AFDN: variants seen among roughly 807,000 people sequenced by gnomAD.
AFDN encodes afadin, adherens junction formation factor, also known as afadin.
Under a neutral mutation model 216.6 loss-of-function variants are expected in AFDN, and 68 were observed. The observed-to-expected ratio is 0.31, with a 90% CI of 0.26 to 0.38. The LOEUF is 0.38. Ranked by LOEUF, AFDN falls within the 10% of genes least tolerant of loss-of-function variation. The pLI is 1.00. For missense variants in AFDN, 2,136 were observed against 2,342.0 expected, an observed-to-expected ratio of 0.91 and a Z score of 1.82; for synonymous variants, 868 against 853.7, an observed-to-expected ratio of 1.02 and a Z score of -0.29.
intron 23 of AFDN, among the ~76,000 whole-genome samples, chr6:167,928,016 C>G (rs1437829528): frequency 6.6e-6 from 1 of 152,236 alleles, no homozygotes; most frequent in Admixed American, 6.5e-5. Context: ...AAATGCTCTT[C>G]TTACCTGGGG....
chr6:167,870,168 T>G (rs1296133430), intron 2 of AFDN, among the ~76,000 whole-genome samples: 1 of 152,244 alleles, frequency 6.6e-6, no homozygotes, highest in African/African-American at 2.4e-5. Flanking sequence ...GAATTGCCTC[T>G]GTTCAGTGTC....
At chr6:167,862,679 T>C (rs1783729975) in intron 1 of AFDN, among the ~76,000 whole-genome samples, 1 of 152,198 alleles carries the variant, frequency 6.6e-6, no homozygotes, top group East Asian at 1.9e-4. Flanking sequence ...CCGGCAGTTA[T>C]AAAGGTTTTA....
At chr6:167,875,619 G>A (rs766944001) in intron 5 of AFDN, 124 bp downstream of exon 5, 3 of 990,020 alleles carry the variant, frequency 3.0e-6, no homozygotes, top group Non-Finnish European at 4.5e-6. Context: ...TAACAAATGT[G>A]TACCATATAC....
At chr6:167,964,529 G>C (rs1797338790) in intron 31 of AFDN, 4 of 1,065,652 alleles carry the variant, frequency 3.8e-6, no homozygotes, top group Non-Finnish European at 1.1e-6. Context: ...ATGAAAAATT[G>C]GGCTCAGGGC....
intron 32 of AFDN, chr6:167,968,906 C>G: frequency 1.9e-6 from 1 of 533,992 alleles, no homozygotes; most frequent in Non-Finnish European, 3.4e-6. Flanking sequence ...CATTTTAGCA[C>G]CTTTTGAGAG....
intron 33 of AFDN, among the ~76,000 whole-genome samples, 172 bp downstream of exon 33, chr6:167,969,370 A>G (rs1386545357): frequency 6.6e-6 from 1 of 152,120 alleles, no homozygotes; most frequent in Non-Finnish European, 1.5e-5. Context: ...TGGAATTTGA[A>G]CTCACCAGAA....
At chr6:167,949,985 G>A (rs1562732803) in intron 29 of AFDN, among the ~76,000 whole-genome samples, 1 of 152,188 alleles carries the variant, frequency 6.6e-6, no homozygotes, top group Non-Finnish European at 1.5e-5. Flanking sequence ...CCAGTGCAAA[G>A]TCTTAAGGGA....
rs1797514508 is a variant in AFDN at position 167,966,007 on chromosome 6, A to C, written c.5219A>C (p.Tyr1740Ser). ...CTGTTCACTGCCAAGTTTGTTGCATACAATGAGGAGGAGGAGGAGGAGGAC... is the reference window on the plus strand; with the variant it reads ...CTGTTCACTGCCAAGTTTGTTGCATCCAATGAGGAGGAGGAGGAGGAGGAC... ...DSLFTAKFVA[Y>S]NEEEEEEDCS... Residue 1740 changes from tyrosine (Y) to serine (S), a missense_variant, in exon 32 of 34, where the codon TAC becomes TCC. Tyr to Ser is a moderately radical substitution (Grantham distance 144). Around this residue, in one of 8 missense-constraint regions of AFDN, gnomAD observed 981 missense variants for 966.0 expected, o/e 1.02. Transcript: ENST00000683244. 5.8e-6 allele frequency: 9 copies of C among 1,550,114 alleles called. No individual in the cohort carries two copies. The South Asian group carries it at 9.5e-5, about 16-fold the overall frequency.
rs909803376 is a variant in AFDN, at chr6:167,915,558, A to G, written c.2565+125A>G. On this transcript the variant is annotated intron_variant, in intron 19 of 33. Transcript: ENST00000683244. The stretch of plus-strand genomic sequence containing the variant: ...TCTTTTTGGGGTTTTTCGTATGTAC[A>G]AATAATGAAGTAGTGCTATGTGAGT... The G allele has an allele frequency of 1.9e-5, 22 of 1,152,042 alleles. No individual in the cohort carries two copies. In the South Asian group the frequency reaches 3.6e-4, roughly 19 times the overall value. The allele number at this position is 1,152,042 out of a possible 1,614,324, so 71.4% of individuals were successfully genotyped here.
At chr6:167,954,452 C>T in intron 30 of AFDN, 1 of 1,593,696 alleles carries the variant, frequency 6.3e-7, no homozygotes, top group Non-Finnish European at 8.5e-7. Context: ...TCTCTGTTAC[C>T]TGCAGCAGAC....
chr6:167,856,417 A>G (rs564183512), intron 1 of AFDN, among the ~76,000 whole-genome samples: 120 of 152,178 alleles, frequency 7.9e-4, no homozygotes, highest in Non-Finnish European at 1.4e-3. Flanking sequence ...GGGAACTACT[A>G]TACACATTAT....
chr6:167,939,878 AG>A (rs1235420366), intron 23 of AFDN, among the ~76,000 whole-genome samples: 1 of 152,228 alleles, frequency 6.6e-6, no homozygotes, highest in Non-Finnish European at 1.5e-5. Context: ...TGAGGCAAAA[AG>A]CATATGTATT....
chr6:167,846,465 C>G (rs1276632412), intron 1 of AFDN, among the ~76,000 whole-genome samples: 3 of 151,724 alleles, frequency 2.0e-5, no homozygotes, highest in Admixed American at 6.6e-5. Context: ...AAACAAAACT[C>G]CCCGAAAACC....
At chr6:167,913,042 G>A (rs1283991670) in intron 15 of AFDN, among the ~76,000 whole-genome samples, 5 of 152,076 alleles carry the variant, frequency 3.3e-5, no homozygotes, top group African/African-American at 9.7e-5. Context: ...TTTTAAGTAA[G>A]TAGTAAGCAC....
At chr6:167,949,012 A>T (rs1232036258) in intron 29 of AFDN, among the ~76,000 whole-genome samples, 2 of 152,226 alleles carry the variant, frequency 1.3e-5, no homozygotes, top group African/African-American at 4.8e-5. Context: ...GTAGAGGGGA[A>T]AGGGGTGGCA....
intron 5 of AFDN, among the ~76,000 whole-genome samples, chr6:167,877,721 G>A (rs977463075): frequency 1.3e-5 from 2 of 152,182 alleles, no homozygotes; most frequent in African/African-American, 4.8e-5. Context: ...TATCAGCTTA[G>A]CTATCAGGTT....
intron 6 of AFDN, among the ~76,000 whole-genome samples, chr6:167,883,565 C>T (rs182171496): frequency 1.4e-3 from 220 of 152,236 alleles, no homozygotes; most frequent in African/African-American, 4.8e-3. Flanking sequence ...AATCTGGCAT[C>T]GCAGTATAGT....
intron 15 of AFDN, 151 bp from the exon 16 acceptor site, chr6:167,913,252 T>A: frequency 1.3e-6 from 1 of 780,310 alleles, no homozygotes; most frequent in Non-Finnish European, 2.1e-6. Flanking sequence ...GAACCATAAA[T>A]GAAAATGTTA....
chr6:167,876,570 G>C (rs1358175040), intron 5 of AFDN, among the ~76,000 whole-genome samples: 10 of 152,188 alleles, frequency 6.6e-5, no homozygotes, highest in Non-Finnish European at 7.3e-5. Context: ...TTTGTATGCT[G>C]TAAGAAGGAG....
Sources: gnomAD v4.1 joint callset for allele counts (sites outside exome capture counted in the v4.1 genomes callset) on GRCh38, gnomAD v4.1.1 for gene constraint, gnomAD v4.1.1 regional missense constraint, MANE v1.5 for transcripts, NCBI Gene and HGNC (gene_info 2026-07-23, HGNC 2026-07-21) for gene names.